The following CCDC141 variants were observed in gnomAD, a reference collection of about 807,000 sequenced individuals.
CCDC141 encodes the protein coiled-coil domain-containing protein 141.
CCDC141 carries 168 observed loss-of-function variants against 181.0 expected under a neutral mutation model. The ratio of observed to expected loss-of-function variants is 0.93; its 90% CI spans 0.82 to 1.05. CCDC141 has a LOEUF of 1.05. Ranked by LOEUF, CCDC141 falls within the 50% of genes least tolerant of loss-of-function variation. The pLI is 0.00. For synonymous variants in CCDC141, 666 were observed against 642.3 expected (o/e 1.04, Z -0.56); for missense variants, 1,902 against 1,788.5 (o/e 1.06, Z -1.14).
Position 178,834,127 on chromosome 2 carries a change from T to C in CCDC141, c.*46A>G, listed in dbSNP as rs193273853. ...TGCAGGAAGATAAACGGCGGCACTT[T>C]TCTTTAGGCACATGAGAATGATGTC... On this transcript the variant is annotated 3_prime_UTR_variant, in exon 24 of 24. Coordinates refer to ENST00000443758, the MANE Select transcript of CCDC141 (RefSeq NM_173648.4). 4.9e-5 allele frequency: 75 copies of C among 1,520,744 alleles called. No individual in the cohort carries two copies. The Admixed American group carries it at 1.2e-3, about 24-fold the overall frequency. 94.2% of individuals were successfully genotyped at this position (1,520,744 alleles called of 1,614,324 possible).
intron 5 of CCDC141, among the ~76,000 whole-genome samples, chr2:178,950,087 T>C (rs1293467515): frequency 6.6e-6 from 1 of 152,218 alleles, no homozygotes; most frequent in Non-Finnish European, 1.5e-5. Context: ...CTCATCAAAT[T>C]ACTTTCATTT....
In CCDC141 at chr2:178,917,718, A is replaced by G. The variant is rs559451767; in HGVS notation, c.1092+995T>C. Among the ~76,000 whole-genome samples the G allele has an allele frequency of 1.4e-4, 21 of 152,364 alleles. No individual in the cohort carries two copies. The East Asian group carries it at 3.5e-3, about 25-fold the overall frequency. On this transcript the variant is annotated intron_variant, in intron 7 of 23. Coordinates refer to ENST00000443758, the MANE Select transcript of CCDC141 (RefSeq NM_173648.4). The stretch of plus-strand genomic sequence containing the variant: ...TCTTACACTGAGCCGTACTCAAGTG[A>G]TGTGAACAGGTGAACATTGCCACTT...
intron 12 of CCDC141, chr2:178,875,992 A>G (rs1426904679): frequency 6.6e-6 from 1 of 152,206 alleles, no homozygotes; most frequent in Non-Finnish European, 1.5e-5. Flanking sequence ...AAGCACCTAG[A>G]TCACATAGGA....
At chr2:178,869,554 G>A (rs1237701783) in intron 14 of CCDC141, among the ~76,000 whole-genome samples, 8 of 152,090 alleles carry the variant, frequency 5.3e-5, no homozygotes, top group Admixed American at 5.2e-4. Flanking sequence ...AAGCTAGGTG[G>A]AAAAACAAAG....
chr2:178,988,965 T>G (rs898043389), intron 2 of CCDC141, among the ~76,000 whole-genome samples: 1 of 152,150 alleles, frequency 6.6e-6, no homozygotes, highest in Admixed American at 6.5e-5. Context: ...AAGAATAAAA[T>G]TGAATTATTA....
At chr2:178,983,188 C>A (rs1253310941) in intron 2 of CCDC141, among the ~76,000 whole-genome samples, 1 of 152,166 alleles carries the variant, frequency 6.6e-6, no homozygotes, top group African/African-American at 2.4e-5. Context: ...CTGGGAGGCA[C>A]CCTCCAGCAG....
chr2:178,897,693 T>G (rs961789434), intron 8 of CCDC141, among the ~76,000 whole-genome samples: 1 of 152,202 alleles, frequency 6.6e-6, no homozygotes, highest in African/African-American at 2.4e-5. Flanking sequence ...TTATATCAGT[T>G]AATTTTAGCA....
intron 2 of CCDC141, among the ~76,000 whole-genome samples, chr2:179,041,486 T>G (rs1356747550): frequency 7.1e-6 from 1 of 141,440 alleles, no homozygotes; most frequent in Non-Finnish European, 1.5e-5. Flanking sequence ...TCGGGTTGGT[T>G]GTGGGTTTTT....
intron 6 of CCDC141, among the ~76,000 whole-genome samples, chr2:178,941,940 C>A (rs1360190247): frequency 8.9e-6 from 1 of 112,064 alleles, no homozygotes; most frequent in African/African-American, 3.7e-5. Context: ...GCCTGAGTGA[C>A]AGAGAGAGAT....
At chr2:178,995,183 A>G (rs1692226833) in intron 2 of CCDC141, among the ~76,000 whole-genome samples, 1 of 152,192 alleles carries the variant, frequency 6.6e-6, no homozygotes, top group Non-Finnish European at 1.5e-5. Context: ...GCTGATTAAG[A>G]CATAACTGAG....
intron 15 of CCDC141, among the ~76,000 whole-genome samples, chr2:178,868,448 T>A (rs533160615): frequency 6.6e-6 from 1 of 152,230 alleles, no homozygotes; most frequent in East Asian, 1.9e-4. Context: ...CCCAAAACCT[T>A]AGCAAGATCT....
intron 6 of CCDC141, among the ~76,000 whole-genome samples, chr2:178,938,781 A>T (rs1465893499): frequency 6.6e-6 from 1 of 152,140 alleles, no homozygotes; most frequent in Non-Finnish European, 1.5e-5. Context: ...TGGGGCTCGC[A>T]GGGATGTAAT....
chr2:179,043,098 A>G (rs1482083277), intron 2 of CCDC141, among the ~76,000 whole-genome samples: 2 of 152,212 alleles, frequency 1.3e-5, no homozygotes, highest in Non-Finnish European at 2.9e-5. Flanking sequence ...AAACACCTCT[A>G]TGCACATAAA....
chr2:179,019,432 C>G (rs972209134), intron 2 of CCDC141, among the ~76,000 whole-genome samples: 1 of 152,002 alleles, frequency 6.6e-6, no homozygotes, highest in African/African-American at 2.4e-5. Flanking sequence ...ACTATTGTAC[C>G]CTTTGATTGC....
At chr2:178,979,708 A>C (rs1014774983) in intron 2 of CCDC141, among the ~76,000 whole-genome samples, 1 of 152,180 alleles carries the variant, frequency 6.6e-6, no homozygotes, top group African/African-American at 2.4e-5. Flanking sequence ...AACAAAAATC[A>C]CTGATGCTTT....
the CCDC141 span, chr2:178,817,426 G>A: frequency 2.2e-6 from 1 of 458,872 alleles, no homozygotes; most frequent in Non-Finnish European, 4.5e-6. Flanking sequence ...CCTAGAATCA[G>A]AAAGACTCAT....
intron 5 of CCDC141, among the ~76,000 whole-genome samples, chr2:178,951,291 G>C (rs1353664912): frequency 6.6e-6 from 1 of 152,344 alleles, no homozygotes; most frequent in South Asian, 2.1e-4. Flanking sequence ...GTGAGATAAA[G>C]AGAGTGAGAG....
intron 8 of CCDC141, among the ~76,000 whole-genome samples, chr2:178,895,569 A>G (rs2154371717): frequency 6.6e-6 from 1 of 152,340 alleles, no homozygotes; most frequent in African/African-American, 2.4e-5. Flanking sequence ...TTCCACACTA[A>G]GAGTTTTAGA....
intron 3 of CCDC141, among the ~76,000 whole-genome samples, chr2:178,977,224 C>T (rs1691159813): frequency 6.6e-6 from 1 of 152,084 alleles, no homozygotes; most frequent in Non-Finnish European, 1.5e-5. Context: ...CCTTTTACTT[C>T]ATGTTATATC....
Sources: gnomAD v4.1 joint callset for allele counts (sites outside exome capture counted in the v4.1 genomes callset) on GRCh38, gnomAD v4.1.1 for gene constraint, MANE v1.5 for transcripts, NCBI Gene and HGNC (gene_info 2026-07-23, HGNC 2026-07-21) for gene names.